Variants in C14orf39 observed in about 807,000 individuals in gnomAD.
The protein encoded by C14orf39 is protein SIX6OS1.
A neutral mutation model predicts 85.6 loss-of-function variants in C14orf39; 66 were observed. That is an observed-to-expected ratio of 0.77 (90% CI 0.63 to 0.95). C14orf39 has a LOEUF of 0.95. Ranked by LOEUF, C14orf39 falls within the 40% of genes least tolerant of loss-of-function variation. The pLI, the probability that C14orf39 is intolerant of heterozygous loss-of-function variation, is 0.00. For missense variants in C14orf39, 735 were observed against 663.9 expected (o/e 1.11, Z -1.18); for synonymous variants, 242 against 214.0 (o/e 1.13, Z -1.14).
intron 16 of C14orf39, among the ~76,000 whole-genome samples, chr14:60,444,931 G>A (rs146310038): frequency 6.6e-6 from 1 of 152,174 alleles, no homozygotes; most frequent in Non-Finnish European, 1.5e-5. Flanking sequence ...TTAAAGAAAA[G>A]AATTTTCAAG....
intron 2 of C14orf39, chr14:60,493,992 A>G (rs191801033): frequency 1.1e-5 from 2 of 181,854 alleles, no homozygotes; most frequent in Non-Finnish European, 2.3e-5. Flanking sequence ...GAGACAGTAC[A>G]TCATTCACAA....
intron 16 of C14orf39, among the ~76,000 whole-genome samples, chr14:60,446,848 A>G (rs1890789853): frequency 1.3e-5 from 2 of 152,224 alleles, no homozygotes; most frequent in Non-Finnish European, 2.9e-5. Context: ...AAGTTTATCC[A>G]CCACAATAAA....
At chr14:60,483,460 A>G (rs1224531317) in intron 4 of C14orf39, among the ~76,000 whole-genome samples, 1 of 152,188 alleles carries the variant, frequency 6.6e-6, no homozygotes, top group Non-Finnish European at 1.5e-5. Flanking sequence ...GCTTATTCAA[A>G]AGTTTATAGT....
At chr14:60,437,144 A>G in intron 17 of C14orf39, 97 bp from the exon 18 acceptor site, 1 of 784,532 alleles carries the variant, frequency 1.3e-6, no homozygotes, top group Non-Finnish European at 2.1e-6. Context: ...TAAATATGGT[A>G]ACACTGAATC....
At position 60,484,218 on chromosome 14, in the gene C14orf39, T is replaced by C. The variant is rs183254453; in HGVS notation, c.107-401A>G. ...GTGAAATTTCTATTCATCAATTCTA[T>C]GTCAATTATTAAACGCACTTTCAAC... On this transcript the variant is annotated intron_variant, in intron 3 of 17. Coordinates refer to ENST00000321731, the MANE Select transcript of C14orf39 (RefSeq NM_174978.3). This position sits in a 1 kb window ranked among gnomAD's most constrained non-coding sequence, Gnocchi z 4.2. Among the ~76,000 whole-genome samples the C allele has an allele frequency of 6.6e-5, 10 of 152,314 alleles. No homozygotes were observed. The East Asian group carries it at 1.7e-3, about 26-fold the overall frequency.
chr14:60,485,685 C>G (rs1002277068), intron 1 of C14orf39, among the ~76,000 whole-genome samples: 6 of 152,292 alleles, frequency 3.9e-5, no homozygotes, highest in African/African-American at 1.4e-4. Context: ...CCGTGCGCCT[C>G]CCGCAGTGGG....
intron 16 of C14orf39, among the ~76,000 whole-genome samples, chr14:60,442,830 T>C (rs978474060): frequency 7.2e-5 from 11 of 152,238 alleles, no homozygotes; most frequent in Admixed American, 4.6e-4. Context: ...TCATAGATTT[T>C]ATAAGCCACT....
intron 1 of C14orf39, among the ~76,000 whole-genome samples, chr14:60,506,280 T>C (rs1893202257): frequency 1.3e-5 from 2 of 151,980 alleles, no homozygotes; most frequent in South Asian, 4.2e-4. Context: ...AAAAATGAAA[T>C]GTGGGATAAG....
intron 2 of C14orf39, chr14:60,499,240 G>C (rs946571469): frequency 7.4e-6 from 1 of 135,054 alleles, no homozygotes; most frequent in African/African-American, 2.7e-5. Context: ...TGGCCGACAA[G>C]AGCAAAACTC....
At chr14:60,482,910 G>GTGTGTGTGT (rs1555359397) in intron 4 of C14orf39, among the ~76,000 whole-genome samples, 1 of 138,162 alleles carries the variant, frequency 7.2e-6, no homozygotes, top group South Asian at 2.3e-4. Context: ...GTGTGTGTGT[G>GTGTGTGTGT]GTGTGCATAA....
At chr14:60,490,033 G>A (rs936071987), upstream of C14orf39, among the ~76,000 whole-genome samples, 7 of 152,094 alleles carry the variant, frequency 4.6e-5, no homozygotes, top group African/African-American at 1.2e-4. Flanking sequence ...TTAAAACACC[G>A]CAGTAGCTGC....
chr14:60,453,421 T>A (rs1291848630), intron 16 of C14orf39, among the ~76,000 whole-genome samples: 2 of 151,926 alleles, frequency 1.3e-5, no homozygotes, highest in Non-Finnish European at 2.9e-5. Context: ...CCATTTACTG[T>A]CAACCCGTCT....
At chr14:60,450,665 A>C (rs995625819) in intron 16 of C14orf39, among the ~76,000 whole-genome samples, 1 of 152,180 alleles carries the variant, frequency 6.6e-6, no homozygotes, top group African/African-American at 2.4e-5. Context: ...GCCTTCAGTG[A>C]ACACAGCGGG....
intron 2 of C14orf39, among the ~76,000 whole-genome samples, chr14:60,493,175 T>C (rs996324654): frequency 1.3e-5 from 2 of 152,214 alleles, no homozygotes; most frequent in Non-Finnish European, 2.9e-5. Flanking sequence ...AACACACACA[T>C]TGACTCCCTA....
intron 5 of C14orf39, among the ~76,000 whole-genome samples, chr14:60,477,898 G>A (rs752798175): frequency 2.0e-5 from 3 of 152,102 alleles, no homozygotes; most frequent in Admixed American, 6.5e-5. Flanking sequence ...AAAAACTCCT[G>A]GCTGGGCATG....
chr14:60,491,772 C>T lies in C14orf39; in HGVS notation c.-8-6686G>A, dbSNP rs1892992411. ...CCCTCTTGCCCATTCTCTCTCCATC[C>T]TGTGACAGAGCAATTCTTAAATGTA... On this transcript the variant is annotated intron_variant, in intron 2 of 5. Transcript: ENST00000556799. This position sits in a 1 kb window ranked among gnomAD's most constrained non-coding sequence, Gnocchi z 4.5. Among the ~76,000 whole-genome samples the T allele has an allele frequency of 6.6e-6, 1 of 152,160 alleles. No individual in the cohort carries two copies. The highest frequency in any genetic ancestry group is 2.4e-5 in the African/African-American group (1 of 41,444).
chr14:60,466,092 G>A, intron 10 of C14orf39, 37 bp from the exon 11 acceptor site: 4 of 1,022,184 alleles, frequency 3.9e-6, no homozygotes, highest in South Asian at 3.9e-5. Context: ...AATCAATGCT[G>A]GAAACAGAAT....
chr14:60,478,450 A>G (rs1892497457), intron 4 of C14orf39, 61 bp from the exon 5 acceptor site: 1 of 802,578 alleles, frequency 1.2e-6, no homozygotes, highest in Non-Finnish European at 1.9e-6. Context: ...TGATAGAGAT[A>G]ATAAAAAAAA....
intron 17 of C14orf39, 27 bp from the exon 18 acceptor site, chr14:60,437,074 A>G: frequency 2.1e-6 from 3 of 1,456,244 alleles, no homozygotes; most frequent in Non-Finnish European, 2.8e-6. Context: ...TTACAATATC[A>G]TGCTCTTCAT....
Sources: gnomAD v4.1 joint callset for allele counts (sites outside exome capture counted in the v4.1 genomes callset) on GRCh38, gnomAD v4.1.1 for gene constraint, Gnocchi (gnomAD v3.1) non-coding constraint, MANE v1.5 for transcripts, NCBI Gene and HGNC (gene_info 2026-07-23, HGNC 2026-07-21) for gene names.